The following NEK5 variants were observed in gnomAD, a reference collection of about 807,000 sequenced individuals.
NEK5 encodes the protein NIMA related kinase 5.
In NEK5, 88 loss-of-function variants were observed where a neutral mutation model predicts 109.2. The ratio of observed to expected loss-of-function variants is 0.81; its 90% CI spans 0.68 to 0.96. The LOEUF (loss-of-function observed/expected upper bound fraction) is 0.96, where lower values mean the gene tolerates loss of function less well. Among genes scored for constraint, NEK5 ranks in the 40% least tolerant of loss-of-function variants. NEK5 has a pLI of 0.00. For synonymous variants in NEK5, 283 were observed against 299.9 expected (o/e 0.94, Z 0.58); for missense variants, 834 against 920.7 (o/e 0.91, Z 1.22).
At chr13:52,066,850 G>A (rs533329566) in intron 20 of NEK5, among the ~76,000 whole-genome samples, 1 of 150,082 alleles carries the variant, frequency 6.7e-6, no homozygotes, top group East Asian at 1.9e-4. Flanking sequence ...ATTTTCTAAT[G>A]TATAACTTTT....
chr13:52,089,117 CA>C (rs1054348073), intron 14 of NEK5, 129 bp downstream of exon 14: 281 of 605,564 alleles, frequency 4.6e-4, no homozygotes, highest in Admixed American at 2.3e-4. Flanking sequence ...AAAACAAAAA[CA>C]AAAAAAACTG....
intron 14 of NEK5, among the ~76,000 whole-genome samples, chr13:52,088,071 G>A (rs1955192379): frequency 6.6e-6 from 1 of 151,914 alleles, no homozygotes; most frequent in South Asian, 2.1e-4. Flanking sequence ...GGGACTACAG[G>A]CACACACCAC....
At chr13:52,068,058 G>A (rs1308650252) in intron 20 of NEK5, among the ~76,000 whole-genome samples, 1 of 152,028 alleles carries the variant, frequency 6.6e-6, no homozygotes, top group Admixed American at 6.6e-5. Context: ...AGCATACTAG[G>A]AGAACAGGGT....
At chr13:52,038,825 G>GA (rs1183060212) in intron 23 of NEK5, among the ~76,000 whole-genome samples, 7,081 of 94,328 alleles carry the variant, frequency 0.075, 760 homozygotes, top group African/African-American at 0.23. Flanking sequence ...ACACTCATCT[G>GA]AAAAAAAAAA....
intron 12 of NEK5, among the ~76,000 whole-genome samples, chr13:52,099,143 T>C (rs1955477469): frequency 6.6e-6 from 1 of 152,202 alleles, no homozygotes; most frequent in African/African-American, 2.4e-5. Flanking sequence ...TTATTTCACA[T>C]TGCTTGCCTG....
rs544277997 is a variant in NEK5, at chr13:52,034,862, C to T, written c.*2086G>A. The T allele has an allele frequency of 2.8e-5, 4 of 144,534 alleles. No homozygotes were observed. Among genetic ancestry groups the T allele is most frequent in the African/African-American group, 1.0e-4 (4 of 39,924 alleles). 9.0% of individuals were successfully genotyped at this position (144,534 alleles called of 1,614,324 possible). A position where few individuals can be genotyped will look rare whatever the true frequency, so the allele number is the denominator to read the frequency against. On this transcript the variant is annotated 3_prime_UTR_variant, in exon 24 of 24. Transcript: ENST00000684899. The stretch of plus-strand genomic sequence containing the variant: ...ACACCTGGCGTGTTCATTTACCATC[C>T]TTAAACATTCTTTTTTTTCTTTTTT...
chr13:52,048,863 G>A (rs779978110), intron 23 of NEK5, among the ~76,000 whole-genome samples: 2 of 152,158 alleles, frequency 1.3e-5, no homozygotes, highest in Admixed American at 6.5e-5. Context: ...GTTGGTCAAA[G>A]AGTAGAAAAT....
intron 8 of NEK5, among the ~76,000 whole-genome samples, chr13:52,107,176 G>A (rs1051544950): frequency 5.9e-5 from 9 of 152,056 alleles, no homozygotes; most frequent in Admixed American, 4.6e-4. Context: ...AAACCTTCAG[G>A]TAACACTGCT....
chr13:52,055,475 G>A (rs2137711684), intron 22 of NEK5, among the ~76,000 whole-genome samples: 1 of 152,196 alleles, frequency 6.6e-6, no homozygotes, highest in African/African-American at 2.4e-5. Flanking sequence ...CTCGAGAAGA[G>A]CAACTCCAAG....
intron 19 of NEK5, among the ~76,000 whole-genome samples, chr13:52,073,847 C>T (rs2137806193): frequency 6.6e-6 from 1 of 151,878 alleles, no homozygotes; most frequent in Non-Finnish European, 1.5e-5. Context: ...AAGCAGAGAG[C>T]CAAATCAAGA....
At position 52,089,241 on chromosome 13, in the gene NEK5, A is replaced by G. The variant is rs1566780793; in HGVS notation, c.1275+6T>C. 6.4e-7 allele frequency: 1 copy of G among 1,554,492 alleles called. No individual in the cohort carries two copies. On this transcript the variant is annotated splice_donor_region_variant and intron_variant, in intron 14 of 23. Transcript: ENST00000684899. ...AATTGCTTCCCATATTTGGTATTTT[A>G]CTTACCAATTGCTTCTCCACTTTCA...
intron 7 of NEK5, among the ~76,000 whole-genome samples, chr13:52,109,612 A>G (rs1955719324): frequency 6.6e-6 from 1 of 152,130 alleles, no homozygotes; most frequent in Admixed American, 6.5e-5. Flanking sequence ...AAATCCGATA[A>G]GAGGAAATAT....
intron 22 of NEK5, among the ~76,000 whole-genome samples, chr13:52,061,580 T>C (rs1458600452): frequency 6.6e-6 from 1 of 152,144 alleles, no homozygotes; most frequent in African/African-American, 2.4e-5. Flanking sequence ...TACTTAAACT[T>C]TTCACCAGTT....
chr13:52,100,487 C>A (rs1176679037), intron 11 of NEK5, among the ~76,000 whole-genome samples: 1 of 152,232 alleles, frequency 6.6e-6, no homozygotes, highest in African/African-American at 2.4e-5. Flanking sequence ...GCATCAAACT[C>A]CTGGCCTCCG....
intron 4 of NEK5, among the ~76,000 whole-genome samples, chr13:52,118,984 C>A (rs1352106708): frequency 6.6e-6 from 1 of 152,096 alleles, no homozygotes; most frequent in African/African-American, 2.4e-5. Context: ...CCACAGCTAG[C>A]ATGTAATGTA....
chr13:52,035,189 A>AAAAG lies in NEK5; in HGVS notation c.*1755_*1758dup, dbSNP rs1954349084. On this transcript the variant is annotated 3_prime_UTR_variant, in exon 24 of 24. Transcript: ENST00000684899. ...GATGTGAACAAACAGCATTCTCCCT[A>AAAAG]AAAGAGTAGACTGTAACTCTACACC... The AAAAG allele has an allele frequency of 6.6e-6, 1 of 152,180 alleles. No individual in the cohort carries two copies. The highest frequency in any genetic ancestry group is 2.4e-5 in the African/African-American group (1 of 41,440). 9.4% of individuals were successfully genotyped at this position (152,180 alleles called of 1,614,324 possible). A position where few individuals can be genotyped will look rare whatever the true frequency, so the allele number is the denominator to read the frequency against.
At chr13:52,111,974 A>AT (rs921135984) in intron 5 of NEK5, among the ~76,000 whole-genome samples, 6 of 151,738 alleles carry the variant, frequency 4.0e-5, no homozygotes, top group East Asian at 1.9e-4. Context: ...TCACATTCAG[A>AT]TTTTTTTTTA....
chr13:52,059,860 C>CGAG (rs1954595904), intron 22 of NEK5, among the ~76,000 whole-genome samples: 1 of 151,706 alleles, frequency 6.6e-6, no homozygotes, highest in Non-Finnish European at 1.5e-5. Flanking sequence ...TGCTTGATGA[C>CGAG]GAGTTAGTGG....
At chr13:52,067,076 C>T (rs1251063748) in intron 20 of NEK5, among the ~76,000 whole-genome samples, 3 of 152,076 alleles carry the variant, frequency 2.0e-5, no homozygotes, top group Non-Finnish European at 1.5e-5. Flanking sequence ...ACTGTTTTAA[C>T]TATTTGGGTG....
Sources: allele counts gnomAD v4.1 joint callset (sites outside exome capture counted in the v4.1 genomes callset), GRCh38; gene constraint gnomAD v4.1.1; transcripts MANE v1.5; gene names NCBI Gene and HGNC (gene_info 2026-07-23, HGNC 2026-07-21).